The following CDK14 variants were observed in gnomAD, a reference collection of about 807,000 sequenced individuals.
The protein encoded by CDK14 is cyclin-dependent kinase 14.
CDK14 carries 34 observed loss-of-function variants against 60.7 expected under a neutral mutation model. The observed-to-expected ratio is 0.56, with a 90% CI of 0.43 to 0.75. CDK14 has a LOEUF of 0.75. CDK14 is among the 30% of genes least tolerant of loss of function. The pLI is 0.00. For missense variants in CDK14, 482 were observed against 564.1 expected, an observed-to-expected ratio of 0.85 and a Z score of 1.47; for synonymous variants, 197 against 203.7, an observed-to-expected ratio of 0.97 and a Z score of 0.28.
intron 10 of CDK14, among the ~76,000 whole-genome samples, chr7:91,016,805 A>C (rs551810350): frequency 6.6e-6 from 1 of 152,164 alleles, no homozygotes; most frequent in African/African-American, 2.4e-5. Context: ...ATTTTTTCAT[A>C]AGCCAAACTT....
chr7:91,155,510 T>C (rs1175314944), intron 14 of CDK14, among the ~76,000 whole-genome samples: 1 of 152,226 alleles, frequency 6.6e-6, no homozygotes, highest in East Asian at 1.9e-4. Flanking sequence ...GAATTCTTTT[T>C]ATTCCATTAG....
intron 2 of CDK14, among the ~76,000 whole-genome samples, chr7:90,675,269 T>A (rs982499269): frequency 6.6e-6 from 1 of 152,234 alleles, no homozygotes; most frequent in Non-Finnish European, 1.5e-5. Flanking sequence ...CCACAGCTGC[T>A]GTTTTATTTG....
intron 5 of CDK14, among the ~76,000 whole-genome samples, chr7:90,860,581 A>G (rs1790977553): frequency 7.1e-6 from 1 of 141,722 alleles, no homozygotes; most frequent in Non-Finnish European, 1.5e-5. Flanking sequence ...GCTGGACTGC[A>G]GTGGTGTGAT....
At chr7:91,087,143 C>G (rs989889214) in intron 12 of CDK14, among the ~76,000 whole-genome samples, 1 of 152,110 alleles carries the variant, frequency 6.6e-6, no homozygotes, top group Non-Finnish European at 1.5e-5. Flanking sequence ...TTACCCATTC[C>G]ACCTTCTACT....
At chr7:90,716,015 C>T (rs1200645889) in intron 2 of CDK14, among the ~76,000 whole-genome samples, 1 of 151,910 alleles carries the variant, frequency 6.6e-6, no homozygotes, top group African/African-American at 2.4e-5. Context: ...ATGAATTCTG[C>T]ACTCCTGACT....
At position 90,794,974 on chromosome 7, in the gene CDK14, G is replaced by A. The variant is rs569797673; in HGVS notation, c.544+4322G>A. 6.8e-4 allele frequency among the ~76,000 whole-genome samples: 104 copies of A among 152,190 alleles called. 2 individuals are homozygous for A. Among genetic ancestry groups the A allele is most frequent in the South Asian group, 1.2e-3 (6 of 4,820 alleles). On this transcript the variant is annotated intron_variant, in intron 5 of 14. Coordinates refer to ENST00000380050, the MANE Select transcript of CDK14 (RefSeq NM_001287135.2). ...ATGTTCTTCTGCCATGGCTTCAGCC[G>A]GTCCCTCTGTTCAGGGTCCCTGGCT... is the stretch of plus-strand genomic sequence containing the variant.
intron 5 of CDK14, among the ~76,000 whole-genome samples, chr7:90,798,871 T>C (rs1052823327): frequency 8.5e-5 from 13 of 152,206 alleles, no homozygotes; most frequent in Non-Finnish European, 4.4e-5. Flanking sequence ...GGTCAGCTTT[T>C]CTATTTTAAT....
intron 12 of CDK14, among the ~76,000 whole-genome samples, chr7:91,083,355 T>A (rs1798534624): frequency 6.6e-6 from 1 of 152,176 alleles, no homozygotes; most frequent in Admixed American, 6.5e-5. Context: ...TGCCCAGCTC[T>A]ATGGATTTGA....
chr7:90,956,630 A>G (rs1159833598), intron 9 of CDK14, among the ~76,000 whole-genome samples: 6 of 152,090 alleles, frequency 3.9e-5, no homozygotes, highest in African/African-American at 1.4e-4. Context: ...TATTATTATT[A>G]TACTTTAAGT....
At chr7:90,779,956 C>A (rs4728934) in intron 4 of CDK14, among the ~76,000 whole-genome samples, 28,638 of 152,102 alleles carry the variant, frequency 0.19, 2,824 homozygotes, top group African/African-American at 0.2. Context: ...CCCTACCATG[C>A]CTTTTTTCCC....
chr7:91,197,255 C>G (rs1370865237), intron 14 of CDK14, among the ~76,000 whole-genome samples: 5 of 152,094 alleles, frequency 3.3e-5, no homozygotes, highest in African/African-American at 9.7e-5. Flanking sequence ...CAAAAATTAG[C>G]TGGGCATGGT....
At chr7:90,987,249 T>G (rs1224241885) in intron 10 of CDK14, among the ~76,000 whole-genome samples, 1 of 152,036 alleles carries the variant, frequency 6.6e-6, no homozygotes, top group Non-Finnish European at 1.5e-5. Flanking sequence ...GAGCTATGAC[T>G]AGGCTTTTAA....
At chr7:90,927,900 C>G (rs1446147597) in intron 8 of CDK14, among the ~76,000 whole-genome samples, 2 of 152,148 alleles carry the variant, frequency 1.3e-5, no homozygotes, top group African/African-American at 4.8e-5. Flanking sequence ...TTCTTGGCGG[C>G]TTTGTTCGTT....
intron 6 of CDK14, among the ~76,000 whole-genome samples, chr7:90,876,587 C>G (rs1239674219): frequency 6.6e-6 from 1 of 152,154 alleles, no homozygotes; most frequent in Non-Finnish European, 1.5e-5. Context: ...AGGCTTTCCT[C>G]ACTGCCAGTT....
intron 4 of CDK14, among the ~76,000 whole-genome samples, chr7:90,770,903 G>A (rs1052169941): frequency 2.0e-5 from 3 of 152,128 alleles, no homozygotes; most frequent in East Asian, 1.9e-4. Flanking sequence ...TTAAGTAGGC[G>A]TCACCCTTGG....
chr7:90,910,480 G>A (rs1792857562), intron 7 of CDK14, among the ~76,000 whole-genome samples: 1 of 152,082 alleles, frequency 6.6e-6, no homozygotes, highest in African/African-American at 2.4e-5. Flanking sequence ...TGGATATGTG[G>A]GTAGTTTAAG....
intron 9 of CDK14, among the ~76,000 whole-genome samples, chr7:90,960,463 A>G (rs940414327): frequency 1.3e-5 from 2 of 152,206 alleles, no homozygotes; most frequent in East Asian, 1.9e-4. Flanking sequence ...TGCATATTAA[A>G]TCATCCGTTT....
chr7:90,837,220 T>A (rs2117131317), intron 5 of CDK14, among the ~76,000 whole-genome samples: 1 of 152,270 alleles, frequency 6.6e-6, no homozygotes. Flanking sequence ...ATCTTTGCTA[T>A]GGAGAGTTTG....
intron 6 of CDK14, among the ~76,000 whole-genome samples, chr7:90,872,309 A>G (rs1562806645): frequency 6.6e-6 from 1 of 152,188 alleles, no homozygotes; most frequent in Non-Finnish European, 1.5e-5. Flanking sequence ...AGAACTAGTT[A>G]TGCTGTATAA....
Sources: allele counts gnomAD v4.1 joint callset (sites outside exome capture counted in the v4.1 genomes callset), GRCh38; gene constraint gnomAD v4.1.1; transcripts MANE v1.5; gene names NCBI Gene and HGNC (gene_info 2026-07-23, HGNC 2026-07-21).